The following SNAP25 variants were observed in gnomAD, a reference collection of about 807,000 sequenced individuals.
The protein encoded by SNAP25 is synaptosomal-associated protein 25.
Under a neutral mutation model 28.7 loss-of-function variants are expected in SNAP25, and 3 were observed. That is an observed-to-expected ratio of 0.10 (90% CI 0.05 to 0.27). The LOEUF (loss-of-function observed/expected upper bound fraction) is 0.27. SNAP25 is among the 10% of genes least tolerant of loss of function. The probability of loss-of-function intolerance (pLI) is 1.00; values close to 1 mark genes in which losing one functional copy is unlikely to be tolerated. For missense variants in SNAP25, 117 were observed against 278.7 expected (o/e 0.42, Z 4.13); for synonymous variants, 61 against 88.1 (o/e 0.69, Z 1.72).
intron 1 of SNAP25, among the ~76,000 whole-genome samples, chr20:10,264,646 T>G (rs541120408): frequency 6.6e-6 from 1 of 150,452 alleles, no homozygotes; most frequent in South Asian, 2.1e-4. Flanking sequence ...TGTTTTTGGA[T>G]AGTTTGGATA....
chr20:10,301,625 A>G (rs2064238240), intron 7 of SNAP25, among the ~76,000 whole-genome samples: 1 of 151,982 alleles, frequency 6.6e-6, no homozygotes, highest in Non-Finnish European at 1.5e-5. Flanking sequence ...GGAGAGTCTT[A>G]TGATGTTTCT....
At chr20:10,234,756 T>C (rs1389151441) in intron 1 of SNAP25, among the ~76,000 whole-genome samples, 1 of 152,238 alleles carries the variant, frequency 6.6e-6, no homozygotes, top group Non-Finnish European at 1.5e-5. Context: ...AAATAGACTA[T>C]GGCTTTTGAT....
In SNAP25 at chr20:10,292,326, T is replaced by G. The variant is rs539011399; in HGVS notation, c.164-835T>G. On this transcript the variant is annotated intron_variant, in intron 4 of 7. Coordinates refer to ENST00000254976, the MANE Select transcript of SNAP25 (RefSeq NM_130811.4). ...TACGAATTACATATGCACAATCAAGTGCAGACCATGGCTACCTCTGGCTAG... is the reference window on the plus strand; with the variant it reads ...TACGAATTACATATGCACAATCAAGGGCAGACCATGGCTACCTCTGGCTAG... Among the ~76,000 whole-genome samples, 22 of 152,318 alleles carry G rather than the reference T, an allele frequency of 1.4e-4. 2 individuals are homozygous for G. In the South Asian group the frequency reaches 2.5e-3, roughly 17 times the overall value.
rs2064378426 is a variant in SNAP25 at position 10,307,036 on chromosome 20, G to A, written c.*839G>A. The A allele has an allele frequency of 6.6e-6, 1 of 152,458 alleles. No individual in the cohort carries two copies. The highest frequency in any genetic ancestry group is 1.5e-5 in the Non-Finnish European group (1 of 68,040). The allele number at this position is 152,458 out of a possible 1,614,324, so 9.4% of individuals were successfully genotyped here. A position where few individuals can be genotyped will look rare whatever the true frequency, so the allele number is the denominator to read the frequency against. On this transcript the variant is annotated 3_prime_UTR_variant, in exon 8 of 8. Transcript: ENST00000254976. ...ATCATTTCCAGCAAAATATATGTTT[G>A]GCTGAAATTATGTCAAATGGATGTA...
intron 1 of SNAP25, among the ~76,000 whole-genome samples, chr20:10,257,570 G>A (rs2063341048): frequency 6.6e-6 from 1 of 152,160 alleles, no homozygotes; most frequent in Non-Finnish European, 1.5e-5. Context: ...AAATTAGCTG[G>A]GTGTGGTGGT....
intron 1 of SNAP25, among the ~76,000 whole-genome samples, chr20:10,270,698 C>CA (rs60294713): frequency 0.016 from 2,181 of 133,314 alleles, 45 homozygotes; most frequent in African/African-American, 0.05. Flanking sequence ...AACTCTGTCT[C>CA]AAAAAAAAAA....
chr20:10,295,587 G>T (rs1235537080), intron 5 of SNAP25, among the ~76,000 whole-genome samples: 1 of 152,062 alleles, frequency 6.6e-6, no homozygotes. Context: ...TGTCTCTAGG[G>T]TTGCTTGGCC....
intron 1 of SNAP25, among the ~76,000 whole-genome samples, chr20:10,233,616 G>T (rs1354426800): frequency 3.3e-5 from 5 of 152,138 alleles, no homozygotes; most frequent in African/African-American, 1.2e-4. Context: ...ATGCAGGAAG[G>T]CATACAGACC....
chr20:10,280,645 A>G (rs2063763740), intron 3 of SNAP25, among the ~76,000 whole-genome samples: 1 of 152,210 alleles, frequency 6.6e-6, no homozygotes, highest in African/African-American at 2.4e-5. Flanking sequence ...TGCTAAATTC[A>G]GGAAATGGAG....
chr20:10,297,009 C>T lies in SNAP25; in HGVS notation c.366C>T (p.Asp122=), dbSNP rs377498338. The T allele has an allele frequency of 2.2e-5, 36 of 1,610,964 alleles. No individual in the cohort carries two copies. Among genetic ancestry groups the T allele is most frequent in the African/African-American group, 1.3e-4 (10 of 74,844 alleles). The change falls in exon 6 of 8, where the codon GAC becomes GAT. Residue 122 remains aspartate, a synonymous_variant. Transcript: ENST00000254976. The stretch of plus-strand genomic sequence containing the variant: ...CCAGCCAGCCTGCTCGTGTAGTGGA[C>T]GAACGGGAGCAGATGGCCATCAGTG... ...VVASQPARVV[D]EREQMAISGG...
At chr20:10,280,289 G>A (rs1179977218) in intron 3 of SNAP25, among the ~76,000 whole-genome samples, 1 of 152,170 alleles carries the variant, frequency 6.6e-6, no homozygotes, top group Admixed American at 6.5e-5. Context: ...CAAGGATAGT[G>A]TAAAACTACA....
chr20:10,295,038 A>G (rs1206960426), intron 5 of SNAP25, among the ~76,000 whole-genome samples: 2 of 152,192 alleles, frequency 1.3e-5, no homozygotes, highest in Admixed American at 1.3e-4. Flanking sequence ...GTGGTCACTA[A>G]TTTCCTTAAT....
At chr20:10,303,432 T>C (rs928315420) in intron 7 of SNAP25, among the ~76,000 whole-genome samples, 3 of 152,180 alleles carry the variant, frequency 2.0e-5, no homozygotes, top group African/African-American at 4.8e-5. Context: ...TCTGGAAATA[T>C]GTTTGTTTTA....
intron 1 of SNAP25, among the ~76,000 whole-genome samples, chr20:10,271,733 C>A (rs547472963): frequency 5.0e-4 from 74 of 149,288 alleles, no homozygotes; most frequent in African/African-American, 1.7e-3. Context: ...AGAGGGAGAG[C>A]GAGAGAGAGA....
intron 7 of SNAP25, among the ~76,000 whole-genome samples, chr20:10,301,222 C>A (rs2064227627): frequency 6.6e-6 from 1 of 152,154 alleles, no homozygotes; most frequent in South Asian, 2.1e-4. Context: ...GAAGGTTTTT[C>A]TTCTACGCCC....
At chr20:10,298,765 A>G (rs1239431277) in intron 6 of SNAP25, among the ~76,000 whole-genome samples, 4 of 152,210 alleles carry the variant, frequency 2.6e-5, no homozygotes, top group Non-Finnish European at 5.9e-5. Context: ...GTCAATCCCA[A>G]GTGTGAAAAG....
At chr20:10,241,479 G>A (rs1004151352) in intron 1 of SNAP25, among the ~76,000 whole-genome samples, 9 of 152,010 alleles carry the variant, frequency 5.9e-5, no homozygotes, top group Non-Finnish European at 1.0e-4. Flanking sequence ...ATTTCCTCTC[G>A]GGGTGATTAA....
At chr20:10,257,699 G>A (rs1482006045) in intron 1 of SNAP25, among the ~76,000 whole-genome samples, 1 of 148,030 alleles carries the variant, frequency 6.8e-6, no homozygotes, top group African/African-American at 2.6e-5. Flanking sequence ...CAACAAGAGC[G>A]AAACTCCGTC....
At chr20:10,223,936 A>G (rs2062681737) in intron 1 of SNAP25, among the ~76,000 whole-genome samples, 1 of 152,210 alleles carries the variant, frequency 6.6e-6, no homozygotes, top group South Asian at 2.1e-4. Context: ...ATTGATTTAG[A>G]ATGACAGAGA....
Sources: gnomAD v4.1 joint callset for allele counts (sites outside exome capture counted in the v4.1 genomes callset) on GRCh38, gnomAD v4.1.1 for gene constraint, MANE v1.5 for transcripts, NCBI Gene and HGNC (gene_info 2026-07-23, HGNC 2026-07-21) for gene names.